The following NUP50 variants were observed in gnomAD, a reference collection of about 807,000 sequenced individuals.
The protein encoded by NUP50 is nuclear pore complex protein Nup50.
Under a neutral mutation model 36.8 loss-of-function variants are expected in NUP50, and 14 were observed. That is an observed-to-expected ratio of 0.38 (90% CI 0.25 to 0.59). NUP50 has a LOEUF of 0.59. NUP50 is among the 20% of genes least tolerant of loss of function. The pLI is 0.63. For missense variants in NUP50, 455 were observed against 564.6 expected (o/e 0.81, Z 1.97); for synonymous variants, 195 against 210.8 (o/e 0.93, Z 0.65).
chr22:45,187,059 G>A lies in NUP50; in HGVS notation c.*2404G>A, dbSNP rs2083455534. On this transcript the variant is annotated 3_prime_UTR_variant, in exon 8 of 8. Transcript: ENST00000347635. Reference sequence around the variant, plus strand: ...ATGTGGACTGAAATTTTCATCTTTTGTTTGAGAATCTATGAAGTGTATCAT... The same window carrying A: ...ATGTGGACTGAAATTTTCATCTTTTATTTGAGAATCTATGAAGTGTATCAT... 6.6e-6 allele frequency: 1 copy of A among 151,888 alleles called. No individual in the cohort carries two copies. Among genetic ancestry groups the A allele is most frequent in the South Asian group, 2.1e-4 (1 of 4,826 alleles). The allele number at this position is 151,888 out of a possible 1,614,324, so 9.4% of individuals were successfully genotyped here.
At position 45,187,277 on chromosome 22, in the gene NUP50, A is replaced by T. The variant is rs2083458886; in HGVS notation, c.*2622A>T. On this transcript the variant is annotated 3_prime_UTR_variant, in exon 8 of 8. Coordinates refer to ENST00000347635, the MANE Select transcript of NUP50 (RefSeq NM_007172.4). ...CATTATTCGAATTACAGACTGAAAA[A>T]ATATGGCCAGTTTTTAAAGAAGTTT... 6.6e-6 allele frequency: 1 copy of T among 152,340 alleles called. No homozygotes were observed. The highest frequency in any genetic ancestry group is 2.1e-4 in the South Asian group (1 of 4,816). 9.4% of individuals were successfully genotyped at this position (152,340 alleles called of 1,614,324 possible).
intron 3 of NUP50, among the ~76,000 whole-genome samples, chr22:45,175,120 G>C (rs1194028680): frequency 6.6e-6 from 1 of 152,162 alleles, no homozygotes; most frequent in Non-Finnish European, 1.5e-5. Context: ...TCTAAAAATT[G>C]TGGTGAGTTT....
Position 45,178,224 on chromosome 22 carries a change from T to C in NUP50, c.341-14T>C. On this transcript the variant is annotated splice_polypyrimidine_tract_variant and intron_variant, in intron 4 of 7. Transcript: ENST00000347635. ...TTAGGCTAAATAAATGGTTCAATTATTAACTTTCTATAGGTTCTCTTGCTG... is the reference window on the plus strand; with the variant it reads ...TTAGGCTAAATAAATGGTTCAATTACTAACTTTCTATAGGTTCTCTTGCTG... 2.5e-6 allele frequency: 4 copies of C among 1,601,638 alleles called. No individual in the cohort carries two copies. The highest frequency in any genetic ancestry group is 3.4e-6 in the Non-Finnish European group (4 of 1,173,966).
At chr22:45,164,937 G>C (rs936674185) in intron 1 of NUP50, 2 of 152,228 alleles carry the variant, frequency 1.3e-5, no homozygotes, top group Non-Finnish European at 2.9e-5. Context: ...GTTCCATTAA[G>C]AACCAGCTTG....
chr22:45,179,709 AC>A (rs959759009), intron 5 of NUP50, among the ~76,000 whole-genome samples: 5 of 152,054 alleles, frequency 3.3e-5, no homozygotes, highest in Admixed American at 3.3e-4. Flanking sequence ...ACATAGCAAG[AC>A]CCCATCTCTA....
Position 45,184,824 on chromosome 22 carries a change from C to G in NUP50, c.*169C>G. The stretch of plus-strand genomic sequence containing the variant: ...AATAAAACCTTTAAATGTTAAGTGT[C>G]AAGAAACTGCACTCTCCCTTCTTAA... On this transcript the variant is annotated 3_prime_UTR_variant, in exon 8 of 8. Coordinates refer to ENST00000347635, the MANE Select transcript of NUP50 (RefSeq NM_007172.4). 1 of 621,296 alleles carries G rather than the reference C, an allele frequency of 1.6e-6. No individual in the cohort carries two copies. The highest frequency in any genetic ancestry group is 2.0e-5 in the South Asian group (1 of 49,592). 38.5% of individuals were successfully genotyped at this position (621,296 alleles called of 1,614,324 possible). A position where few individuals can be genotyped will look rare whatever the true frequency, so the allele number is the denominator to read the frequency against.
intron 5 of NUP50, 142 bp downstream of exon 5, chr22:45,179,042 T>A (rs2074324769): frequency 1.4e-6 from 1 of 731,198 alleles, no homozygotes; most frequent in Admixed American, 3.4e-5. Flanking sequence ...ACAGAGCTAA[T>A]CAGCTTCTCT....
chr22:45,184,759 T>G lies in NUP50; in HGVS notation c.*104T>G, dbSNP rs1018431780. 2.4e-6 allele frequency: 2 copies of G among 818,552 alleles called. No individual in the cohort carries two copies. Among genetic ancestry groups the G allele is most frequent in the South Asian group, 1.7e-5 (1 of 58,578 alleles). 50.7% of individuals were successfully genotyped at this position (818,552 alleles called of 1,614,324 possible). A position where few individuals can be genotyped will look rare whatever the true frequency, so the allele number is the denominator to read the frequency against. Reference sequence around the variant, plus strand: ...TCTTCTTTGACATTCTAAGAACTTATAGATAACTTAAAACTTTTGTGAGGA... The same window carrying G: ...TCTTCTTTGACATTCTAAGAACTTAGAGATAACTTAAAACTTTTGTGAGGA... On this transcript the variant is annotated 3_prime_UTR_variant, in exon 8 of 8. Transcript: ENST00000347635.
At position 45,184,482 on chromosome 22, in the gene NUP50, C is replaced by T. The variant is rs760738273; in HGVS notation, c.1234C>T (p.Pro412Ser). 6.7e-5 allele frequency: 108 copies of T among 1,613,790 alleles called. No homozygotes were observed. Among genetic ancestry groups the T allele is most frequent in the Non-Finnish European group, 9.0e-5 (106 of 1,179,840 alleles). ...GNILLNVLIP[P>S]NMPCTRTGKN... ...CATATTGCTGAACGTTCTGATTCCA[C>T]CCAATATGCCATGTACGCGAACAGG... The change falls in exon 8 of 8, where the codon CCC (proline) becomes TCC (serine). Residue 412 changes from proline (P) to serine (S), a missense_variant. Physicochemically the swap from Pro to Ser is moderately conservative, Grantham distance 74. Transcript: ENST00000347635.
chr22:45,180,662 G>C (rs1238391994), intron 5 of NUP50, among the ~76,000 whole-genome samples: 1 of 152,218 alleles, frequency 6.6e-6, no homozygotes, highest in Non-Finnish European at 1.5e-5. Context: ...ACAGGCGTGA[G>C]CCACTGTACA....
intron 7 of NUP50, 133 bp downstream of exon 7, chr22:45,183,653 A>G (rs1473480369): frequency 1.3e-5 from 9 of 669,004 alleles, no homozygotes; most frequent in Non-Finnish European, 2.2e-5. Context: ...GTATTTACTT[A>G]TTTATAGTTT....
chr22:45,171,483 A>T, intron 2 of NUP50, 117 bp from the exon 3 acceptor site: 1 of 1,027,326 alleles, frequency 9.7e-7, no homozygotes, highest in Non-Finnish European at 1.5e-6. Flanking sequence ...TGCCTGGCCA[A>T]AATTTATTTT....
At chr22:45,168,126 ATTC>A in intron 1 of NUP50, 39 bp from the exon 2 acceptor site, 1 of 1,408,240 alleles carries the variant, frequency 7.1e-7, no homozygotes, top group South Asian at 1.2e-5. Flanking sequence ...ATAAGAATTT[ATTC>A]TTCTAGAAAA....
At chr22:45,171,472 G>A in intron 2 of NUP50, 128 bp from the exon 3 acceptor site, 2 of 869,746 alleles carry the variant, frequency 2.3e-6, no homozygotes, top group Non-Finnish European at 3.7e-6. Context: ...GCAAGCCATT[G>A]TGCCTGGCCA....
At chr22:45,172,416 A>G (rs573974455) in intron 3 of NUP50, among the ~76,000 whole-genome samples, 9 of 152,256 alleles carry the variant, frequency 5.9e-5, no homozygotes, top group Non-Finnish European at 1.0e-4. Context: ...TGGAAATCCA[A>G]AATGCTCCAA....
At chr22:45,169,500 T>C (rs1427838180) in intron 2 of NUP50, among the ~76,000 whole-genome samples, 1 of 152,210 alleles carries the variant, frequency 6.6e-6, no homozygotes, top group Non-Finnish European at 1.5e-5. Flanking sequence ...AGAATAGTCA[T>C]AATACAAATT....
intron 7 of NUP50, chr22:45,184,174 G>C (rs2074430178): frequency 2.2e-6 from 1 of 452,412 alleles, no homozygotes; most frequent in East Asian, 4.3e-5. Context: ...TGAGAGGGCT[G>C]ACGGTTCTGA....
intron 5 of NUP50, 118 bp downstream of exon 5, chr22:45,179,018 A>C: frequency 2.1e-6 from 2 of 949,196 alleles, no homozygotes; most frequent in Non-Finnish European, 1.6e-6. Flanking sequence ...TGTTCTCTCC[A>C]TGTGTGATCT....
intron 2 of NUP50, among the ~76,000 whole-genome samples, chr22:45,170,389 A>G (rs2074170933): frequency 6.6e-6 from 1 of 152,162 alleles, no homozygotes; most frequent in Non-Finnish European, 1.5e-5. Flanking sequence ...CCTTATCAGC[A>G]GTGTGTTACC....
Sources: gnomAD v4.1 joint callset for allele counts (sites outside exome capture counted in the v4.1 genomes callset) on GRCh38, gnomAD v4.1.1 for gene constraint, MANE v1.5 for transcripts, NCBI Gene and HGNC (gene_info 2026-07-23, HGNC 2026-07-21) for gene names.